Variants in FNTA observed in about 807,000 individuals in gnomAD.
FNTA encodes the protein protein farnesyltransferase/geranylgeranyltransferase type-1 subunit alpha.
FNTA carries 27 observed loss-of-function variants against 55.2 expected under a neutral mutation model. The ratio of observed to expected loss-of-function variants is 0.49; its 90% confidence interval spans 0.36 to 0.67. The LOEUF is 0.67. FNTA is among the 30% of genes least tolerant of loss of function. The probability of loss-of-function intolerance (pLI) is 0.00; values close to 1 mark genes in which losing one functional copy is unlikely to be tolerated. For synonymous variants in FNTA, 176 were observed against 170.7 expected, an observed-to-expected ratio of 1.03 and a Z score of -0.24; for missense variants, 422 against 464.7, an observed-to-expected ratio of 0.91 and a Z score of 0.85.
rs560115878 is a variant in FNTA, at chr8:43,061,033, G to A, written c.286+1856G>A. 1.1e-4 allele frequency among the ~76,000 whole-genome samples: 16 copies of A among 152,250 alleles called. No homozygotes were observed. In the South Asian group the frequency reaches 3.1e-3, roughly 30 times the overall value. ...CATTAAGAATGACAGGTTAAAATGAGAATTCCATTTTCCACCCATGATTTA... is the reference window on the plus strand; with the variant it reads ...CATTAAGAATGACAGGTTAAAATGAAAATTCCATTTTCCACCCATGATTTA... On this transcript the variant is annotated intron_variant, in intron 2 of 8. Transcript: ENST00000302279.
At chr8:43,075,325 C>G (rs1810885261) in intron 5 of FNTA, among the ~76,000 whole-genome samples, 1 of 149,856 alleles carries the variant, frequency 6.7e-6, no homozygotes, top group African/African-American at 2.4e-5. Flanking sequence ...TTTTTATGAT[C>G]ACCTGTAAAA....
intron 4 of FNTA, 26 bp from the exon 5 acceptor site, chr8:43,072,155 A>T (rs777173076): frequency 1.1e-4 from 163 of 1,447,066 alleles, no homozygotes; most frequent in Non-Finnish European, 1.5e-4. Context: ...TTAACAAAAA[A>T]CTTCTCTCCC....
chr8:43,083,812 C>T (rs570228662), intron 7 of FNTA, among the ~76,000 whole-genome samples: 1 of 152,326 alleles, frequency 6.6e-6, no homozygotes, highest in South Asian at 2.1e-4. Context: ...TTAGCTCATG[C>T]CTGCAATCCC....
At chr8:43,058,646 T>G (rs894891022) in intron 1 of FNTA, among the ~76,000 whole-genome samples, 2 of 151,994 alleles carry the variant, frequency 1.3e-5, no homozygotes, top group Non-Finnish European at 2.9e-5. Flanking sequence ...GGCGCCCGCC[T>G]GTAGTCCTTA....
At chr8:43,082,972 G>C in intron 6 of FNTA, 146 bp from the exon 7 acceptor site, 1 of 468,150 alleles carries the variant, frequency 2.1e-6, no homozygotes, top group South Asian at 2.4e-5. Flanking sequence ...CTTGAACCTG[G>C]GAGGCGGAGG....
chr8:43,084,999 T>G lies in FNTA; in HGVS notation c.1017+118T>G, dbSNP rs76008508. On this transcript the variant is annotated intron_variant, in intron 8 of 8. Coordinates refer to ENST00000302279, the MANE Select transcript of FNTA (RefSeq NM_002027.3). ...CCTCAGAATTCAGTGCAGGGCTATT[T>G]CTGGTTAGGGGCAGCATTGACATCA... 1.7e-3 allele frequency: 2,085 copies of G among 1,200,102 alleles called. 40 individuals are homozygous for G. In the Admixed American group the frequency reaches 0.024, roughly 14 times the overall value. 74.3% of individuals were successfully genotyped at this position (1,200,102 alleles called of 1,614,324 possible). A position where few individuals can be genotyped will look rare whatever the true frequency, so the allele number is the denominator to read the frequency against.
At chr8:43,077,426 A>G in intron 6 of FNTA, 62 bp downstream of exon 6, 1 of 1,365,444 alleles carries the variant, frequency 7.3e-7, no homozygotes, top group Non-Finnish European at 1.0e-6. Context: ...ACCATATCTC[A>G]GGCACTGGGG....
chr8:43,079,520 G>C (rs74303710), intron 6 of FNTA: 1 of 128,314 alleles, frequency 7.8e-6, no homozygotes, highest in African/African-American at 2.7e-5. Context: ...GAGGTCTGTT[G>C]TTCAGAAAAA....
chr8:43,061,974 C>T (rs919583474), intron 2 of FNTA, among the ~76,000 whole-genome samples: 4 of 152,142 alleles, frequency 2.6e-5, no homozygotes, highest in African/African-American at 9.7e-5. Flanking sequence ...CCACCTCGGC[C>T]TCCCAGAGTG....
At chr8:43,056,999 T>C (rs1174911645) in intron 1 of FNTA, 1 of 152,244 alleles carries the variant, frequency 6.6e-6, no homozygotes, top group Non-Finnish European at 1.5e-5. Context: ...GTGTGAGGGC[T>C]TCCAGTGGCT....
rs1307152895 is a variant in FNTA at position 43,056,383 on chromosome 8, G to C, written c.37G>C (p.Gly13Arg). The change falls in exon 1 of 9, where the codon GGG (glycine) becomes CGG (arginine). Residue 13 changes from glycine to arginine, a missense_variant. By Grantham distance (125) the Gly-to-Arg change is moderately radical (BLOSUM62 -2). This residue lies in a region of FNTA where 160 missense variants were observed against 121.6 expected (regional missense o/e 1.32). Transcript: ENST00000302279. The stretch of plus-strand genomic sequence containing the variant: ...CGAGGGGGTCGGGGAGGCTGCGCAA[G>C]GGGGCGAGCCCGGGCAGCCGGCGCA... Reference protein sequence around the residue: ...ATEGVGEAAQGGEPGQPAQPP... With the variant: ...ATEGVGEAAQRGEPGQPAQPP... 7 of 1,478,794 alleles carry C rather than the reference G, an allele frequency of 4.7e-6. No homozygotes were observed. In the South Asian group the frequency reaches 9.1e-5, roughly 19 times the overall value. 91.6% of individuals were successfully genotyped at this position (1,478,794 alleles called of 1,614,324 possible).
chr8:43,080,606 T>C (rs1179107650), intron 6 of FNTA: 1 of 152,240 alleles, frequency 6.6e-6, no homozygotes, highest in East Asian at 1.9e-4. Context: ...TCCTGTATTG[T>C]TCAGTATGGT....
chr8:43,063,276 T>C (rs959959028), intron 2 of FNTA: 11 of 455,936 alleles, frequency 2.4e-5, no homozygotes, highest in Non-Finnish European at 4.4e-5. Flanking sequence ...AGGCGGAGTT[T>C]CCCTAAGTTG....
rs1811110748 is a variant in FNTA at position 43,085,504 on chromosome 8, G to GA, written c.*227dup. On this transcript the variant is annotated 3_prime_UTR_variant, in exon 9 of 9. Coordinates refer to ENST00000302279, the MANE Select transcript of FNTA (RefSeq NM_002027.3). Reference sequence around the variant, plus strand: ...CAAAGTCATTGGATGGGAGGAGGAAGAAAAAGTCCCATAAAGGAACTTTTG... The same window carrying GA: ...CAAAGTCATTGGATGGGAGGAGGAAGAAAAAAGTCCCATAAAGGAACTTTTG... 1 of 519,726 alleles carries GA rather than the reference G, an allele frequency of 1.9e-6. No individual in the cohort carries two copies. The highest frequency in any genetic ancestry group is 3.4e-6 in the Non-Finnish European group (1 of 294,900). The allele number at this position is 519,726 out of a possible 1,614,324, so 32.2% of individuals were successfully genotyped here.
At chr8:43,081,348 G>A (rs1811023003) in intron 6 of FNTA, 1 of 151,982 alleles carries the variant, frequency 6.6e-6, no homozygotes, top group African/African-American at 2.4e-5. Flanking sequence ...ATGTGTCATG[G>A]CCCTTTTTCT....
Position 43,085,267 on chromosome 8 carries a change from A to C in FNTA, c.1125A>C (p.Thr375=), listed in dbSNP as rs780661036. 18 of 1,607,634 alleles carry C rather than the reference A, an allele frequency of 1.1e-5. No homozygotes were observed. The highest frequency in any genetic ancestry group is 1.7e-5 in the Admixed American group (1 of 58,490). Residue 375 remains threonine, a synonymous_variant, in exon 9 of 9, where the codon ACA becomes ACC. Transcript: ENST00000302279. The stretch of plus-strand genomic sequence containing the variant: ...ACAGCACAGAAAATGACTCACCAAC[A>C]AATGTACAGCAATAACACCATCCAG... ...SKHSTENDSP[T]NVQQ is the part of the protein sequence containing the mutation.
intron 3 of FNTA, among the ~76,000 whole-genome samples, chr8:43,068,468 A>G (rs575352177): frequency 6.6e-6 from 1 of 152,212 alleles, no homozygotes; most frequent in South Asian, 2.1e-4. Context: ...TGTTTCATTT[A>G]CAAGTAGCAT....
In FNTA at chr8:43,056,490, G is replaced by A; in HGVS notation, c.144G>A (p.Ala48=). 6.4e-7 allele frequency: 1 copy of A among 1,572,420 alleles called. No homozygotes were observed. ...CGGCCGAGGCTGGGGAAGCCGTGGCGTCCCCCATGGACGACGGGTTTGTGA... is the reference window on the plus strand; with the variant it reads ...CGGCCGAGGCTGGGGAAGCCGTGGCATCCCCCATGGACGACGGGTTTGTGA... ...EMAAEAGEAV[A]SPMDDGFVSL... Residue 48 remains alanine (A), a synonymous_variant, in exon 1 of 9, where the codon GCG becomes GCA. Transcript: ENST00000302279.
Position 43,069,743 on chromosome 8 carries a change from C to G in FNTA, c.506+84C>G, listed in dbSNP as rs1810744648. ...CACTGCAGCCTCTGCCTCCTGGGTT[C>G]AAGTGATTCTCCAGCTTCAGCCTCC... On this transcript the variant is annotated intron_variant, in intron 4 of 8. Transcript: ENST00000302279. 7.7e-6 allele frequency: 6 copies of G among 777,614 alleles called. No homozygotes were observed. In the Admixed American group the frequency reaches 1.3e-4, roughly 17 times the overall value. The allele number at this position is 777,614 out of a possible 1,614,324, so 48.2% of individuals were successfully genotyped here.
Sources: gnomAD v4.1 joint callset for allele counts (sites outside exome capture counted in the v4.1 genomes callset) on GRCh38, gnomAD v4.1.1 for gene constraint, gnomAD v4.1.1 regional missense constraint, MANE v1.5 for transcripts, NCBI Gene and HGNC (gene_info 2026-07-23, HGNC 2026-07-21) for gene names.